RHOBTB1: variants seen among roughly 807,000 people sequenced by gnomAD.
RHOBTB1 encodes Rho related BTB domain containing 1.
Under a neutral mutation model 71.6 loss-of-function variants are expected in RHOBTB1, and 40 were observed. The ratio of observed to expected loss-of-function variants is 0.56; its 90% CI spans 0.43 to 0.73. RHOBTB1 has a LOEUF of 0.73. Ranked by LOEUF, RHOBTB1 falls within the 30% of genes least tolerant of loss-of-function variation. The probability of loss-of-function intolerance (pLI) is 0.00; values close to 1 mark genes in which losing one functional copy is unlikely to be tolerated. For synonymous variants in RHOBTB1, 319 were observed against 334.9 expected, an observed-to-expected ratio of 0.95 and a Z score of 0.52; for missense variants, 797 against 894.0, an observed-to-expected ratio of 0.89 and a Z score of 1.38.
At chr10:60,952,073 C>A (rs372255126) in intron 2 of RHOBTB1, among the ~76,000 whole-genome samples, 192 of 151,102 alleles carry the variant, frequency 1.3e-3, no homozygotes, top group East Asian at 5.5e-3. Context: ...CCCACCCCCC[C>A]AAAAAAGAAC....
intron 7 of RHOBTB1, among the ~76,000 whole-genome samples, chr10:60,883,218 G>A (rs373132754): frequency 3.3e-5 from 5 of 152,290 alleles, no homozygotes; most frequent in Admixed American, 6.5e-5. Context: ...TGGTCTGAAT[G>A]TATACAAACC....
At position 60,872,272 on chromosome 10, in the gene RHOBTB1, A is replaced by C. The variant is rs751902137; in HGVS notation, c.1834T>G (p.Leu612Val). The C allele has an allele frequency of 6.2e-7, 1 of 1,613,922 alleles. No homozygotes were observed. The highest frequency in any genetic ancestry group is 2.2e-5 in the East Asian group (1 of 44,876). Residue 612 changes from leucine (L) to valine (V), a missense_variant, in exon 10 of 11, where the codon TTG becomes GTG. Physicochemically the swap from Leu to Val is conservative, Grantham distance 32. Around this residue, in one of 2 missense-constraint regions of RHOBTB1, gnomAD observed 658 missense variants for 681.5 expected, o/e 0.97. Transcript: ENST00000337910. ...ATGTGGTGCAAACACCAGGCGGCCA[A>C]CTGGTGGGCATTGTGAAACTGCAGA... is the stretch of plus-strand genomic sequence containing the variant. Reference protein sequence around the residue: ...ELAQFHNAHQLAAWCLHHICT... With the variant: ...ELAQFHNAHQVAAWCLHHICT...
At position 60,916,062 on chromosome 10, in the gene RHOBTB1, C is replaced by T. The variant is rs181586163; in HGVS notation, c.-10-4510G>A. Among the ~76,000 whole-genome samples, 943 of 152,302 alleles carry T rather than the reference C, an allele frequency of 6.2e-3. 4 individuals are homozygous for T. Among genetic ancestry groups the T allele is most frequent in the Non-Finnish European group, 7.3e-3 (499 of 68,028 alleles). On this transcript the variant is annotated intron_variant, in intron 2 of 10. Coordinates refer to ENST00000337910, the MANE Select transcript of RHOBTB1 (RefSeq NM_014836.5). ...GCCTGTGCTGGATGAAATAAGGCCACGGCAGCAACTCCCATCAGGAGGTGA... is the reference window on the plus strand; with the variant it reads ...GCCTGTGCTGGATGAAATAAGGCCATGGCAGCAACTCCCATCAGGAGGTGA...
At chr10:60,939,637 A>C (rs2084793819) in intron 2 of RHOBTB1, among the ~76,000 whole-genome samples, 1 of 152,186 alleles carries the variant, frequency 6.6e-6, no homozygotes, top group Admixed American at 6.5e-5. Flanking sequence ...AAAGAGGAAC[A>C]AAAGAACCAC....
chr10:60,937,517 CA>C (rs1305993059), intron 2 of RHOBTB1, among the ~76,000 whole-genome samples: 1 of 152,076 alleles, frequency 6.6e-6, no homozygotes, highest in Non-Finnish European at 1.5e-5. Context: ...TACAAAGTTC[CA>C]TGTAGAAAAC....
chr10:60,992,089 C>G (rs1178805603), intron 1 of RHOBTB1, among the ~76,000 whole-genome samples: 1 of 152,094 alleles, frequency 6.6e-6, no homozygotes, highest in Non-Finnish European at 1.5e-5. Flanking sequence ...ACATGTACCC[C>G]TAGGCTGGCA....
At chr10:60,913,531 C>T (rs1415789022) in intron 2 of RHOBTB1, among the ~76,000 whole-genome samples, 1 of 152,168 alleles carries the variant, frequency 6.6e-6, no homozygotes, top group African/African-American at 2.4e-5. Flanking sequence ...AACAGTATAA[C>T]ATAGCAAAAG....
intron 7 of RHOBTB1, among the ~76,000 whole-genome samples, chr10:60,882,315 G>T (rs2081363673): frequency 6.6e-6 from 1 of 152,072 alleles, no homozygotes; most frequent in South Asian, 2.1e-4. Flanking sequence ...GAGACTATTA[G>T]GCTTATAATT....
chr10:60,921,522 T>C (rs956667487), intron 2 of RHOBTB1, among the ~76,000 whole-genome samples: 1 of 152,240 alleles, frequency 6.6e-6, no homozygotes, highest in Non-Finnish European at 1.5e-5. Flanking sequence ...TACTGATTAT[T>C]ATGTTTATAT....
At chr10:60,942,511 C>CT (rs1186432829) in intron 1 of RHOBTB1, among the ~76,000 whole-genome samples, 6 of 152,192 alleles carry the variant, frequency 3.9e-5, no homozygotes, top group African/African-American at 1.4e-4. Context: ...CTGGTTAAAC[C>CT]TTTTTCCCAT....
chr10:60,887,889 T>C (rs558762270), intron 6 of RHOBTB1, among the ~76,000 whole-genome samples: 2 of 152,206 alleles, frequency 1.3e-5, no homozygotes, highest in South Asian at 4.2e-4. Flanking sequence ...GGTACCATGG[T>C]GGTTTATGGA....
intron 2 of RHOBTB1, among the ~76,000 whole-genome samples, chr10:60,970,642 C>T (rs2134663829): frequency 6.6e-6 from 1 of 152,108 alleles, no homozygotes; most frequent in South Asian, 2.1e-4. Context: ...ATAGTAAGCA[C>T]AATAGAAACG....
chr10:60,874,598 G>A (rs112298642), intron 9 of RHOBTB1, among the ~76,000 whole-genome samples: 1 of 152,146 alleles, frequency 6.6e-6, no homozygotes, highest in Admixed American at 6.5e-5. Context: ...GAGGCACTAC[G>A]GGGCTTCATG....
intron 1 of RHOBTB1, among the ~76,000 whole-genome samples, chr10:60,994,548 T>G (rs147739388): frequency 2.6e-5 from 4 of 152,126 alleles, no homozygotes. Context: ...AATACTTCAG[T>G]CTTGAAATAT....
intron 2 of RHOBTB1, among the ~76,000 whole-genome samples, chr10:60,920,687 T>C (rs183834315): frequency 2.4e-4 from 37 of 152,030 alleles, no homozygotes; most frequent in African/African-American, 8.0e-4. Context: ...GCTTGCTCTG[T>C]CACCCAGGCT....
chr10:60,968,027 A>G (rs2134627522), intron 2 of RHOBTB1, among the ~76,000 whole-genome samples: 1 of 152,126 alleles, frequency 6.6e-6, no homozygotes, highest in Non-Finnish European at 1.5e-5. Flanking sequence ...CAGTCCTAGG[A>G]CAGAGGGACT....
intron 4 of RHOBTB1, among the ~76,000 whole-genome samples, chr10:60,902,277 C>T (rs1413537143): frequency 2.0e-5 from 3 of 152,178 alleles, no homozygotes; most frequent in Non-Finnish European, 4.4e-5. Context: ...CCTAAACTTC[C>T]ATCACAGATT....
intron 2 of RHOBTB1, among the ~76,000 whole-genome samples, chr10:60,966,931 A>G (rs1018743864): frequency 4.6e-5 from 7 of 150,768 alleles, no homozygotes; most frequent in African/African-American, 1.7e-4. Context: ...GCACTGCGCC[A>G]GGCACTGGGG....
intron 2 of RHOBTB1, among the ~76,000 whole-genome samples, chr10:60,977,217 C>T (rs1281350384): frequency 6.6e-6 from 1 of 151,980 alleles, no homozygotes; most frequent in African/African-American, 2.4e-5. Flanking sequence ...GCTTAGGGAG[C>T]ATTTTGAGAT....
Sources: gnomAD v4.1 joint callset for allele counts (sites outside exome capture counted in the v4.1 genomes callset) on GRCh38, gnomAD v4.1.1 for gene constraint, gnomAD v4.1.1 regional missense constraint, MANE v1.5 for transcripts, NCBI Gene and HGNC (gene_info 2026-07-23, HGNC 2026-07-21) for gene names.